The following PAK6 variants were observed in gnomAD, a reference collection of about 807,000 sequenced individuals.
The protein encoded by PAK6 is serine/threonine-protein kinase PAK 6.
Under a neutral mutation model 60.8 loss-of-function variants are expected in PAK6, and 33 were observed. That is an observed-to-expected ratio of 0.54 (90% CI 0.41 to 0.73). The LOEUF is 0.73. Among genes scored for constraint, PAK6 ranks in the 30% least tolerant of loss-of-function variants. The probability of loss-of-function intolerance (pLI) is 0.00; values close to 1 mark genes in which losing one functional copy is unlikely to be tolerated. For missense variants in PAK6, 845 were observed against 904.1 expected, an observed-to-expected ratio of 0.93 and a Z score of 0.84; for synonymous variants, 404 against 378.5, an observed-to-expected ratio of 1.07 and a Z score of -0.78.
At chr15:40,254,522 C>T (rs1864904211) in intron 3 of PAK6, among the ~76,000 whole-genome samples, 1 of 152,214 alleles carries the variant, frequency 6.6e-6, no homozygotes, top group African/African-American at 2.4e-5. Flanking sequence ...GCCCCCTGCA[C>T]ATCACACATG....
intron 4 of PAK6, 144 bp from the exon 5 acceptor site, chr15:40,265,698 T>G: frequency 1.5e-6 from 1 of 654,572 alleles, no homozygotes; most frequent in Non-Finnish European, 2.4e-6. Context: ...ATGGAAAAAT[T>G]AATGGGTGGA....
intron 3 of PAK6, 106 bp from the exon 4 acceptor site, chr15:40,264,675 G>A: frequency 2.3e-6 from 2 of 882,646 alleles, no homozygotes; most frequent in Non-Finnish European, 3.7e-6. Flanking sequence ...GCTTCTAGGG[G>A]AGCTGTGCTG....
intron 2 of PAK6, chr15:40,252,584 G>C: frequency 7.4e-7 from 1 of 1,357,138 alleles, no homozygotes; most frequent in Non-Finnish European, 9.8e-7. Flanking sequence ...CTGCACCAAC[G>C]TGTAAGCGCG....
At chr15:40,274,414 C>A in intron 10 of PAK6, 138 bp downstream of exon 10, 1 of 925,122 alleles carries the variant, frequency 1.1e-6, no homozygotes, top group South Asian at 1.7e-5. Context: ...TCTTTCCCCA[C>A]ACAAAACCCG....
At chr15:40,269,784 G>A (rs531236995) in intron 5 of PAK6, among the ~76,000 whole-genome samples, 20 of 152,282 alleles carry the variant, frequency 1.3e-4, no homozygotes, top group Admixed American at 9.8e-4. Context: ...GCCTCCAGAC[G>A]CAGGCTCCGC....
chr15:40,273,068 G>T (rs989298530), intron 7 of PAK6, 69 bp downstream of exon 7: 16 of 1,573,052 alleles, frequency 1.0e-5, no homozygotes, highest in African/African-American at 1.3e-5. Flanking sequence ...GGGCAATGTG[G>T]TCTTCTGCCT....
intron 10 of PAK6, 139 bp downstream of exon 10, chr15:40,274,415 A>G (rs1051462239): frequency 1.5e-5 from 14 of 909,666 alleles, no homozygotes; most frequent in Non-Finnish European, 2.3e-5. Context: ...CTTTCCCCAC[A>G]CAAAACCCGC....
At chr15:40,272,414 G>A (rs1403289161) in exon 6 of PAK6, 3 of 1,613,586 alleles carry the variant, frequency 1.9e-6, no homozygotes, top group African/African-American at 1.3e-5. Flanking sequence ...TCCCCAGCGG[G>A]ATCCCCCCGC....
intron 5 of PAK6, among the ~76,000 whole-genome samples, chr15:40,269,611 T>C (rs574423368): frequency 7.9e-5 from 12 of 152,358 alleles, no homozygotes; most frequent in Admixed American, 5.9e-4. Context: ...TGTGATTACA[T>C]TGATAAAAGC....
chr15:40,270,770 G>T (rs569708524), intron 5 of PAK6, among the ~76,000 whole-genome samples: 1 of 152,258 alleles, frequency 6.6e-6, no homozygotes. Flanking sequence ...ACACACTCGG[G>T]TGGGCAGGCA....
In PAK6 at chr15:40,266,508, C is replaced by G; in HGVS notation, c.858+13C>G. 6.3e-7 allele frequency: 1 copy of G among 1,581,618 alleles called. No individual in the cohort carries two copies. Among genetic ancestry groups the G allele is most frequent in the Non-Finnish European group, 8.6e-7 (1 of 1,163,922 alleles). On this transcript the variant is annotated intron_variant, in intron 5 of 10. Coordinates refer to ENST00000560346, the Ensembl canonical transcript of PAK6. ...ACCACAGAGCAAGGTAAGTCAGGAG[C>G]CTGGCCTGCAGGTGTCCACTGGGGA...
chr15:40,247,046 A>C (rs1373813301), intron 2 of PAK6: 4 of 152,382 alleles, frequency 2.6e-5, no homozygotes, highest in Admixed American at 2.6e-4. Context: ...GCCCTCACCT[A>C]GTCAGGCACA....
chr15:40,252,334 G>A, intron 2 of PAK6: 2 of 1,280,340 alleles, frequency 1.6e-6, no homozygotes, highest in African/African-American at 1.5e-5. Context: ...CTGGGCCGTG[G>A]AGCCGCAGGC....
intron 3 of PAK6, chr15:40,259,786 CAAAAAAAAAAA>C (rs10670123): frequency 1.6e-5 from 1 of 62,466 alleles, no homozygotes; most frequent in Non-Finnish European, 3.0e-5. Context: ...AACGCTGTCT[CAAAAAAAAAAA>C]AAAAAAAAAA....
intron 2 of PAK6, among the ~76,000 whole-genome samples, chr15:40,247,736 G>A (rs2038533969): frequency 6.6e-6 from 1 of 152,140 alleles, no homozygotes. Context: ...ACCTAACCAG[G>A]CCCTAGACAG....
chr15:40,243,934 G>A (rs1007343583), intron 2 of PAK6, among the ~76,000 whole-genome samples: 1 of 152,158 alleles, frequency 6.6e-6, no homozygotes, highest in African/African-American at 2.4e-5. Flanking sequence ...ACTGTGTTCT[G>A]CTGAGCCCCA....
intron 3 of PAK6, among the ~76,000 whole-genome samples, chr15:40,261,608 T>C (rs1001458802): frequency 2.6e-5 from 4 of 152,180 alleles, no homozygotes; most frequent in Non-Finnish European, 5.9e-5. Context: ...CCCAGTTTTA[T>C]GTAGATTCTC....
chr15:40,274,501 G>A (rs2039396281), intron 10 of PAK6, among the ~76,000 whole-genome samples: 2 of 152,248 alleles, frequency 1.3e-5, no homozygotes, highest in South Asian at 4.1e-4. Context: ...GCTGTGGCAG[G>A]AGAGTTGCTG....
chr15:40,248,758 G>A (rs1436813612), intron 2 of PAK6, among the ~76,000 whole-genome samples: 10 of 152,178 alleles, frequency 6.6e-5, no homozygotes, highest in African/African-American at 9.7e-5. Context: ...TGTGTCTCAC[G>A]TGACAGCCTG....
Sources: gnomAD v4.1 joint callset for allele counts (sites outside exome capture counted in the v4.1 genomes callset) on GRCh38, gnomAD v4.1.1 for gene constraint, MANE v1.5 for transcripts, NCBI Gene and HGNC (gene_info 2026-07-23, HGNC 2026-07-21) for gene names.